Variants in HDAC9 observed in about 807,000 individuals in gnomAD.
HDAC9 encodes MEF-2 interacting transcription repressor (MITR) protein.
In HDAC9, 41 loss-of-function variants were observed where a neutral mutation model predicts 139.4. The ratio of observed to expected loss-of-function variants is 0.29; its 90% CI spans 0.23 to 0.38. The LOEUF is 0.38. Ranked by LOEUF, HDAC9 falls within the 10% of genes least tolerant of loss-of-function variation. The pLI is 1.00. For missense variants in HDAC9, 1,147 were observed against 1,297.0 expected (o/e 0.88, Z 1.78); for synonymous variants, 517 against 476.2 (o/e 1.09, Z -1.12).
chr7:18,978,936 TTGTG>T (rs200796967), intron 25 of HDAC9, among the ~76,000 whole-genome samples: 10 of 152,072 alleles, frequency 6.6e-5, no homozygotes, highest in Admixed American at 3.9e-4. Flanking sequence ...CTTGGTGACT[TTGTG>T]TGTGTGTGTT....
intron 21 of HDAC9, among the ~76,000 whole-genome samples, chr7:18,844,389 A>G (rs1796778996): frequency 2.0e-5 from 3 of 152,194 alleles, no homozygotes; most frequent in Admixed American, 6.5e-5. Flanking sequence ...GACAAAATAG[A>G]TTATTCAGTC....
chr7:18,702,320 C>T (rs555038048), intron 12 of HDAC9, among the ~76,000 whole-genome samples: 12 of 152,126 alleles, frequency 7.9e-5, no homozygotes, highest in East Asian at 3.9e-4. Flanking sequence ...ACTTGGGGGC[C>T]GTAAGGAGAA....
intron 6 of HDAC9, among the ~76,000 whole-genome samples, chr7:18,598,327 A>C (rs1833022338): frequency 6.6e-6 from 1 of 152,182 alleles, no homozygotes. Context: ...TATCTTGGTT[A>C]CATTGTTTTG....
intron 21 of HDAC9, among the ~76,000 whole-genome samples, chr7:18,857,913 T>G (rs1797810851): frequency 6.6e-6 from 1 of 152,218 alleles, no homozygotes; most frequent in Non-Finnish European, 1.5e-5. Flanking sequence ...TGAAAAGATT[T>G]TTAAAAACAA....
chr7:18,321,643 T>C (rs1462906660), intron 1 of HDAC9, among the ~76,000 whole-genome samples: 3 of 152,206 alleles, frequency 2.0e-5, no homozygotes, highest in Non-Finnish European at 4.4e-5. Context: ...ATACTGTGCC[T>C]TTTTGAAGAA....
At chr7:18,604,298 T>A (rs1276075860) in intron 6 of HDAC9, among the ~76,000 whole-genome samples, 9 of 152,184 alleles carry the variant, frequency 5.9e-5, no homozygotes, top group African/African-American at 2.2e-4. Context: ...TCTGTTCCAT[T>A]TAAAAAAATT....
At chr7:18,191,635 A>G (rs1205057002) in intron 2 of HDAC9, among the ~76,000 whole-genome samples, 1 of 152,248 alleles carries the variant, frequency 6.6e-6, no homozygotes, top group Admixed American at 6.5e-5. Flanking sequence ...AATTAAAAAT[A>G]AAAATGTGGC....
chr7:18,500,350 A>G (rs561013417), intron 2 of HDAC9, among the ~76,000 whole-genome samples: 7 of 152,298 alleles, frequency 4.6e-5, no homozygotes, highest in Admixed American at 4.6e-4. Flanking sequence ...ATAGCATGTC[A>G]GCCAGCAAAC....
At chr7:18,757,777 C>G (rs1022339743) in intron 14 of HDAC9, among the ~76,000 whole-genome samples, 18 of 152,048 alleles carry the variant, frequency 1.2e-4, no homozygotes, top group Admixed American at 1.1e-3. Context: ...GCATTTTATC[C>G]TGTCACAGTA....
intron 2 of HDAC9, among the ~76,000 whole-genome samples, chr7:18,236,008 C>T (rs762362543): frequency 3.9e-5 from 6 of 152,170 alleles, no homozygotes; most frequent in Non-Finnish European, 5.9e-5. Context: ...TATGAATCAT[C>T]GTCAAGTTGA....
chr7:18,831,124 T>A (rs1181380521), intron 19 of HDAC9, among the ~76,000 whole-genome samples: 1 of 152,200 alleles, frequency 6.6e-6, no homozygotes, highest in African/African-American at 2.4e-5. Flanking sequence ...CAACAGTTTG[T>A]CCTATCCTTA....
intron 1 of HDAC9, among the ~76,000 whole-genome samples, chr7:18,345,110 C>T (rs1782301955): frequency 6.6e-6 from 1 of 151,916 alleles, no homozygotes; most frequent in Non-Finnish European, 1.5e-5. Context: ...AAACACCTGT[C>T]AGATGGTAGT....
At chr7:18,125,488 T>C (rs754873247) in intron 1 of HDAC9, among the ~76,000 whole-genome samples, 5 of 152,034 alleles carry the variant, frequency 3.3e-5, no homozygotes, top group African/African-American at 4.8e-5. Context: ...GACTGGCTCA[T>C]GATATATATG....
At chr7:18,832,925 G>A (rs962718571) in intron 19 of HDAC9, among the ~76,000 whole-genome samples, 31 of 151,846 alleles carry the variant, frequency 2.0e-4, no homozygotes, top group Non-Finnish European at 2.1e-4. Context: ...TAGTAGAGAC[G>A]GGGTTTCTCC....
chr7:18,511,439 C>G (rs1017063538), intron 2 of HDAC9, among the ~76,000 whole-genome samples: 6 of 152,018 alleles, frequency 3.9e-5, no homozygotes, highest in Non-Finnish European at 5.9e-5. Context: ...TGACTACAAA[C>G]CAAACTAAAT....
chr7:18,522,897 C>G (rs966466968), intron 2 of HDAC9, among the ~76,000 whole-genome samples: 1 of 152,184 alleles, frequency 6.6e-6, no homozygotes, highest in Non-Finnish European at 1.5e-5. Flanking sequence ...AATTAACAAG[C>G]ATTTATGGAT....
chr7:18,769,333 G>A (rs1790088518), intron 16 of HDAC9, among the ~76,000 whole-genome samples: 1 of 152,078 alleles, frequency 6.6e-6, no homozygotes, highest in South Asian at 2.1e-4. Flanking sequence ...GCTTCCTCTG[G>A]ACCAGTATAT....
chr7:18,442,852 A>C (rs1052793039), intron 1 of HDAC9, among the ~76,000 whole-genome samples: 6 of 152,168 alleles, frequency 3.9e-5, no homozygotes, highest in Non-Finnish European at 8.8e-5. Context: ...TCCTAGCCCA[A>C]CCACAAAAGC....
At chr7:18,430,943 A>G (rs749190076) in intron 1 of HDAC9, among the ~76,000 whole-genome samples, 104 of 151,990 alleles carry the variant, frequency 6.8e-4, no homozygotes, top group Non-Finnish European at 8.8e-4. Context: ...TAACACACTG[A>G]TATTTTCTAT....
Sources: gnomAD v4.1 joint callset for allele counts (sites outside exome capture counted in the v4.1 genomes callset) on GRCh38, gnomAD v4.1.1 for gene constraint, MANE v1.5 for transcripts, NCBI Gene and HGNC (gene_info 2026-07-23, HGNC 2026-07-21) for gene names.